Variants in C9orf43 observed in about 807,000 individuals in gnomAD.
C9orf43 encodes uncharacterized protein C9orf43.
A neutral mutation model predicts 59.1 loss-of-function variants in C9orf43; 45 were observed. That is an observed-to-expected ratio of 0.76 (90% CI 0.60 to 0.98). C9orf43 has a LOEUF of 0.98. Among genes scored for constraint, C9orf43 ranks in the 50% least tolerant of loss-of-function variants. C9orf43 has a pLI of 0.00. For synonymous variants in C9orf43, 203 were observed against 196.8 expected (o/e 1.03, Z -0.26); for missense variants, 533 against 554.9 (o/e 0.96, Z 0.40).
chr9:113,423,269 A>G, intron 6 of C9orf43, 57 bp from the exon 7 acceptor site: 1 of 1,555,312 alleles, frequency 6.4e-7, no homozygotes. Context: ...ATGTTGATGG[A>G]AAGGACTAGG....
intron 6 of C9orf43, 147 bp from the exon 7 acceptor site, chr9:113,423,179 G>A: frequency 1.5e-6 from 1 of 653,950 alleles, no homozygotes; most frequent in Non-Finnish European, 2.6e-6. Flanking sequence ...AGCTTGAGAG[G>A]GAAACATGTG....
At chr9:113,427,381 T>G (rs1828830072) in intron 11 of C9orf43, among the ~76,000 whole-genome samples, 1 of 152,182 alleles carries the variant, frequency 6.6e-6, no homozygotes, top group Non-Finnish European at 1.5e-5. Flanking sequence ...TTCTCCATGT[T>G]GGTCAGGCTG....
intron 3 of C9orf43, among the ~76,000 whole-genome samples, chr9:113,414,378 G>A (rs781536755): frequency 2.0e-5 from 3 of 151,794 alleles, no homozygotes; most frequent in African/African-American, 4.8e-5. Flanking sequence ...GGGCTCAAGC[G>A]ATCCTCCCAC....
intron 3 of C9orf43, among the ~76,000 whole-genome samples, chr9:113,416,442 C>A (rs1223309982): frequency 1.3e-5 from 2 of 152,200 alleles, no homozygotes; most frequent in African/African-American, 4.8e-5. Flanking sequence ...TTCTGTCATG[C>A]AGTTTCCTAA....
rs117510493 is a variant in C9orf43 at position 113,419,704 on chromosome 9, T to C, written c.345+539T>C. On this transcript the variant is annotated intron_variant, in intron 4 of 13. Transcript: ENST00000374165. Reference sequence around the variant, plus strand: ...CTGTGATTCAAAAAATTTGATTTTATGACCTATGAATAAGTTGCAATTGCA... The same window carrying C: ...CTGTGATTCAAAAAATTTGATTTTACGACCTATGAATAAGTTGCAATTGCA... 2.0e-5 allele frequency among the ~76,000 whole-genome samples: 3 copies of C among 152,228 alleles called. No homozygotes were observed. The East Asian group carries it at 5.8e-4, about 29-fold the overall frequency.
rs1225429596 is a variant in C9orf43 at position 113,423,439 on chromosome 9, T to C, written c.597T>C (p.Ser199=). ...PTPVQLSEQF[S]SDFLPLWAQS... is the part of the protein sequence containing the mutation. ...CAGTGCAATTGTCTGAACAATTCAG[T>C]TCAGATTTCCTACCTCTCTGGGCTC... Residue 199 remains serine (S), a synonymous_variant, in exon 7 of 14, where the codon AGT becomes AGC. Transcript: ENST00000374165. 1.2e-5 allele frequency: 19 copies of C among 1,614,056 alleles called. No individual in the cohort carries two copies. The highest frequency in any genetic ancestry group is 1.5e-5 in the Non-Finnish European group (18 of 1,179,980).
chr9:113,425,399 G>A lies in C9orf43; in HGVS notation c.921G>A (p.Val307=), dbSNP rs762933418. Residue 307 remains valine, a synonymous_variant, in exon 10 of 14, where the codon GTG becomes GTA. Transcript: ENST00000374165. ...AGCAGCAGCAGCAACAGAAGAAGGT[G>A]AAAACACCTATTAAGAAACAGGTAG... is the stretch of plus-strand genomic sequence containing the variant. ...QQQQQQQQKK[V]KTPIKKQEAK... 1.2e-6 allele frequency: 2 copies of A among 1,613,950 alleles called. No individual in the cohort carries two copies. The highest frequency in any genetic ancestry group is 2.2e-5 in the East Asian group (1 of 44,894).
chr9:113,428,942 G>C lies in C9orf43; in HGVS notation c.1150G>C (p.Asp384His). The C allele has an allele frequency of 6.2e-7, 1 of 1,613,920 alleles. No homozygotes were observed. Among genetic ancestry groups the C allele is most frequent in the Non-Finnish European group, 8.5e-7 (1 of 1,179,796 alleles). Reference sequence around the variant, plus strand: ...AAAGATGAACTACTATGACCATGCGGATTTCCACCACAGTGTAAAAAGTAA... The same window carrying C: ...AAAGATGAACTACTATGACCATGCGCATTTCCACCACAGTGTAAAAAGTAA... ...RPKMNYYDHADFHHSVKSPEL... is the reference protein window; with the variant it reads ...RPKMNYYDHAHFHHSVKSPEL... Residue 384 changes from aspartate (D) to histidine (H), a missense_variant, in exon 13 of 14, where the codon GAT (aspartate) becomes CAT (histidine). Physicochemically the swap from Asp to His is moderately conservative, Grantham distance 81. Transcript: ENST00000374165.
intron 3 of C9orf43, among the ~76,000 whole-genome samples, chr9:113,415,869 A>C (rs1828337134): frequency 6.6e-6 from 1 of 152,160 alleles, no homozygotes; most frequent in African/African-American, 2.4e-5. Flanking sequence ...GCCCTTAATG[A>C]TTTCTCTTTG....
intron 3 of C9orf43, among the ~76,000 whole-genome samples, chr9:113,414,384 C>T (rs1414570693): frequency 6.6e-6 from 1 of 152,102 alleles, no homozygotes. Context: ...AAGCGATCCT[C>T]CCACCTCAGC....
In C9orf43 at chr9:113,428,882, T is replaced by C. The variant is rs373157099; in HGVS notation, c.1108-18T>C. ...TAAAGTCTTGATTCAAATTTCCTTA[T>C]ACCCCAATGAATTTCAGGATTCCAC... is the stretch of plus-strand genomic sequence containing the variant. On this transcript the variant is annotated intron_variant, in intron 12 of 13. Transcript: ENST00000374165. 7 of 1,604,496 alleles carry C rather than the reference T, an allele frequency of 4.4e-6. No individual in the cohort carries two copies. Among genetic ancestry groups the C allele is most frequent in the Non-Finnish European group, 6.0e-6 (7 of 1,171,294 alleles).
In C9orf43 at chr9:113,421,208, G is replaced by A. The variant is rs1828555701; in HGVS notation, c.446+5G>A. The A allele has an allele frequency of 6.3e-7, 1 of 1,591,682 alleles. No individual in the cohort carries two copies. Among genetic ancestry groups the A allele is most frequent in the African/African-American group, 1.3e-5 (1 of 74,404 alleles). Reference sequence around the variant, plus strand: ...AGAAACAGAGATACATGTGAGGTGAGTATCATATCTGGAACTCAGAGGACT... The same window carrying A: ...AGAAACAGAGATACATGTGAGGTGAATATCATATCTGGAACTCAGAGGACT... On this transcript the variant is annotated splice_donor_5th_base_variant and intron_variant, in intron 5 of 13. Coordinates refer to ENST00000374165, the MANE Select transcript of C9orf43 (RefSeq NM_001278629.2).
At chr9:113,424,771 C>T (rs1828720199) in intron 8 of C9orf43, among the ~76,000 whole-genome samples, 1 of 152,084 alleles carries the variant, frequency 6.6e-6, no homozygotes, top group Non-Finnish European at 1.5e-5. Flanking sequence ...GGTGATCTGC[C>T]CACCTCAGCC....
intron 11 of C9orf43, among the ~76,000 whole-genome samples, chr9:113,426,912 T>C (rs1034857899): frequency 9.9e-5 from 15 of 152,166 alleles, no homozygotes; most frequent in Non-Finnish European, 2.2e-4. Context: ...ATCTTGAGTA[T>C]GTGTGGGAGT....
chr9:113,418,256 A>G (rs945894752), intron 3 of C9orf43, among the ~76,000 whole-genome samples: 1 of 152,132 alleles, frequency 6.6e-6, no homozygotes, highest in African/African-American at 2.4e-5. Context: ...GGTAATATCT[A>G]TTCTATTTTC....
At chr9:113,421,267 G>T in intron 5 of C9orf43, 64 bp downstream of exon 5, 1 of 1,225,566 alleles carries the variant, frequency 8.2e-7, no homozygotes. Flanking sequence ...CTTCTGCAGC[G>T]TCCTTTTTGT....
At chr9:113,414,939 C>T (rs1828305169) in intron 3 of C9orf43, among the ~76,000 whole-genome samples, 1 of 152,208 alleles carries the variant, frequency 6.6e-6, no homozygotes, top group South Asian at 2.1e-4. Context: ...TCAAGCAATT[C>T]TCATGCCTCA....
chr9:113,429,122 G>A (rs1363239957), intron 13 of C9orf43, 50 bp from the exon 14 acceptor site: 2 of 1,574,914 alleles, frequency 1.3e-6, no homozygotes, highest in South Asian at 1.1e-5. Flanking sequence ...TCCATTTGTT[G>A]TAGTTGAGAG....
intron 3 of C9orf43, among the ~76,000 whole-genome samples, chr9:113,415,294 C>T (rs1828316629): frequency 6.6e-6 from 1 of 152,062 alleles, no homozygotes; most frequent in South Asian, 2.1e-4. Flanking sequence ...CAGGCACGCG[C>T]CACCACTCCC....
Sources: gnomAD v4.1 joint callset for allele counts (sites outside exome capture counted in the v4.1 genomes callset) on GRCh38, gnomAD v4.1.1 for gene constraint, MANE v1.5 for transcripts, NCBI Gene and HGNC (gene_info 2026-07-23, HGNC 2026-07-21) for gene names.